Variants in AGO4 observed in about 807,000 individuals in gnomAD.
AGO4 encodes the protein argonaute RISC component 4.
A neutral mutation model predicts 104.7 loss-of-function variants in AGO4; 33 were observed. The ratio of observed to expected loss-of-function variants is 0.32; its 90% CI spans 0.24 to 0.42. The LOEUF is 0.42. Among genes scored for constraint, AGO4 ranks in the 10% least tolerant of loss-of-function variants. The pLI is 1.00. For synonymous variants in AGO4, 331 were observed against 364.7 expected, an observed-to-expected ratio of 0.91 and a Z score of 1.05; for missense variants, 711 against 1,083.4, an observed-to-expected ratio of 0.66 and a Z score of 4.83.
At chr1:35,831,691 T>G in intron 8 of AGO4, 117 bp downstream of exon 8, 1 of 1,540,556 alleles carries the variant, frequency 6.5e-7, no homozygotes, top group Non-Finnish European at 8.7e-7. Context: ...TTTTGGCAGA[T>G]GATTTCACTA....
rs192205148 is a variant in AGO4 at position 35,831,946 on chromosome 1, G to A, written c.1116+15G>A. On this transcript the variant is annotated intron_variant, in intron 9 of 17. Coordinates refer to ENST00000373210, the MANE Select transcript of AGO4 (RefSeq NM_017629.4). ...TCAGTAGACTGGTCAGTAAGGCATG[G>A]TCTTCAAGATGAGCTAGCTTTGAGA... 4,240 of 1,612,740 alleles carry A rather than the reference G, an allele frequency of 2.6e-3. 12 individuals are homozygous for A. The highest frequency in any genetic ancestry group is 3.2e-3 in the Non-Finnish European group (3,728 of 1,179,630).
chr1:35,814,019 A>G (rs537599151), intron 1 of AGO4, among the ~76,000 whole-genome samples: 4 of 149,678 alleles, frequency 2.7e-5, no homozygotes, highest in South Asian at 2.2e-4. Context: ...AGGTTGCAGT[A>G]AGCCGAGATC....
At chr1:35,816,789 A>G (rs1183872071) in intron 1 of AGO4, 93 bp from the exon 2 acceptor site, 1 of 1,375,112 alleles carries the variant, frequency 7.3e-7, no homozygotes, top group Non-Finnish European at 9.6e-7. Flanking sequence ...AAAGAGCGAA[A>G]CTCTGTCTCA....
intron 17 of AGO4, 62 bp downstream of exon 17, chr1:35,851,115 C>A: frequency 6.7e-7 from 1 of 1,485,858 alleles, no homozygotes. Context: ...AAAAAATGAG[C>A]TACAATAGAA....
chr1:35,843,083 A>G (rs1644486893), intron 15 of AGO4, among the ~76,000 whole-genome samples: 1 of 151,646 alleles, frequency 6.6e-6, no homozygotes, highest in Non-Finnish European at 1.5e-5. Flanking sequence ...TCTTTTTTTG[A>G]GACCGAGTTT....
At chr1:35,843,699 T>C (rs147173403) in intron 15 of AGO4, among the ~76,000 whole-genome samples, 1 of 152,250 alleles carries the variant, frequency 6.6e-6, no homozygotes, top group Non-Finnish European at 1.5e-5. Flanking sequence ...CTAATACAAA[T>C]TCGTTGAACT....
At chr1:35,831,380 A>C (rs138085563) in intron 7 of AGO4, 47 bp from the exon 8 acceptor site, 2 of 1,549,490 alleles carry the variant, frequency 1.3e-6, no homozygotes, top group Non-Finnish European at 1.7e-6. Flanking sequence ...AAAGAAGAAA[A>C]GAAAGAACTT....
chr1:35,851,362 AC>A (rs1464959380), intron 17 of AGO4, among the ~76,000 whole-genome samples: 1 of 152,172 alleles, frequency 6.6e-6, no homozygotes, highest in East Asian at 1.9e-4. Context: ...TCAACACAGT[AC>A]CCTGGCTCCG....
chr1:35,813,683 A>G (rs1021060065), intron 1 of AGO4, among the ~76,000 whole-genome samples: 2 of 151,778 alleles, frequency 1.3e-5, no homozygotes, highest in African/African-American at 4.8e-5. Flanking sequence ...CAGGAGGTCG[A>G]GGCTGCAGTG....
intron 1 of AGO4, 111 bp from the exon 2 acceptor site, chr1:35,816,771 C>T (rs1193966616): frequency 7.8e-7 from 1 of 1,274,774 alleles, no homozygotes; most frequent in Non-Finnish European, 1.0e-6. Context: ...TGCACTCCAC[C>T]CTGGGTGAAA....
intron 1 of AGO4, among the ~76,000 whole-genome samples, chr1:35,810,482 A>G (rs1179594897): frequency 6.6e-6 from 1 of 152,196 alleles, no homozygotes; most frequent in African/African-American, 2.4e-5. Flanking sequence ...AGTTTCTGCC[A>G]ATACTCAGAA....
chr1:35,818,645 GAAA>G (rs771912404), intron 2 of AGO4, among the ~76,000 whole-genome samples: 13,263 of 106,912 alleles, frequency 0.12, 886 homozygotes, highest in East Asian at 0.28. Flanking sequence ...AAGAAAGAAA[GAAA>G]GAAAGAAAGA....
chr1:35,841,108 A>C lies in AGO4; in HGVS notation c.1725-57A>C. On this transcript the variant is annotated intron_variant, in intron 13 of 17. Coordinates refer to ENST00000373210, the MANE Select transcript of AGO4 (RefSeq NM_017629.4). The surrounding 1 kb of genome is among the most constrained non-coding windows in gnomAD (Gnocchi z 4.7). Reference sequence around the variant, plus strand: ...TATATCTGGTGATATAATCTTGCTAAACTCAAACATTTTCACTTATATGTC... The same window carrying C: ...TATATCTGGTGATATAATCTTGCTACACTCAAACATTTTCACTTATATGTC... The C allele has an allele frequency of 6.4e-7, 1 of 1,552,282 alleles. No homozygotes were observed. Among genetic ancestry groups the C allele is most frequent in the Non-Finnish European group, 8.8e-7 (1 of 1,136,294 alleles).
chr1:35,813,280 G>A (rs1007939575), intron 1 of AGO4, among the ~76,000 whole-genome samples: 3 of 151,994 alleles, frequency 2.0e-5, no homozygotes, highest in Non-Finnish European at 4.4e-5. Flanking sequence ...ATGGCAGCAT[G>A]CGCCTGTAGT....
rs915940544 is a variant in AGO4, at chr1:35,856,411, AAGT to A, written c.*2810_*2812del. The A allele has an allele frequency of 1.3e-5, 2 of 152,194 alleles. No homozygotes were observed. The highest frequency in any genetic ancestry group is 2.4e-5 in the African/African-American group (1 of 41,428). 9.4% of individuals were successfully genotyped at this position (152,194 alleles called of 1,614,324 possible). ...TCAATGGGAGGTGTGCATTCTCTAG[AAGT>A]AGTTTTAGGCTGTTTGGTTTGGTTT... On this transcript the variant is annotated 3_prime_UTR_variant, in exon 18 of 18. Coordinates refer to ENST00000373210, the MANE Select transcript of AGO4 (RefSeq NM_017629.4).
chr1:35,828,371 G>C (rs1016212047), intron 7 of AGO4, among the ~76,000 whole-genome samples: 1 of 151,740 alleles, frequency 6.6e-6, no homozygotes, highest in Non-Finnish European at 1.5e-5. Flanking sequence ...CCCAGGCTGG[G>C]AGAAGACATC....
Position 35,818,248 on chromosome 1 carries a change from T to C in AGO4, c.185+1201T>C, listed in dbSNP as rs115946277. Among the ~76,000 whole-genome samples, 283 of 152,210 alleles carry C rather than the reference T, an allele frequency of 1.9e-3. 2 individuals are homozygous for C. Among genetic ancestry groups the C allele is most frequent in the African/African-American group, 6.0e-3 (248 of 41,532 alleles). ...TGCAAATACCTAGAGAAAGTCTCACTGAAAAGTGATATTTGACCTAGAGGA... is the reference window on the plus strand; with the variant it reads ...TGCAAATACCTAGAGAAAGTCTCACCGAAAAGTGATATTTGACCTAGAGGA... On this transcript the variant is annotated intron_variant, in intron 2 of 17. Transcript: ENST00000373210.
chr1:35,833,688 A>G lies in AGO4; in HGVS notation c.1380-302A>G, dbSNP rs1047211349. ...AGAATTATTGATTCGAATGTTTAAA[A>G]GATCTTTGAACAGCAATGCTATTCT... On this transcript the variant is annotated intron_variant, in intron 11 of 17. Transcript: ENST00000373210. Among the ~76,000 whole-genome samples, 125 of 152,320 alleles carry G rather than the reference A, an allele frequency of 8.2e-4. 1 individual carries two copies. Among genetic ancestry groups the G allele is most frequent in the African/African-American group, 3.0e-3 (123 of 41,588 alleles).
chr1:35,816,814 A>AG, intron 1 of AGO4, 68 bp from the exon 2 acceptor site: 2 of 1,420,460 alleles, frequency 1.4e-6, no homozygotes, highest in Non-Finnish European at 1.9e-6. Flanking sequence ...AAAAAAAAAA[A>AG]AAAAAAAGAA....
Sources: gnomAD v4.1 joint callset for allele counts (sites outside exome capture counted in the v4.1 genomes callset) on GRCh38, gnomAD v4.1.1 for gene constraint, Gnocchi (gnomAD v3.1) non-coding constraint, MANE v1.5 for transcripts, NCBI Gene and HGNC (gene_info 2026-07-23, HGNC 2026-07-21) for gene names.